The following TMC1 variants were observed in gnomAD, a reference collection of about 807,000 sequenced individuals.
TMC1 encodes the protein transmembrane channel like 1.
Under a neutral mutation model 105.8 loss-of-function variants are expected in TMC1, and 84 were observed. The observed-to-expected ratio is 0.79, with a 90% confidence interval of 0.67 to 0.95. TMC1 has a LOEUF of 0.95. TMC1 is among the 40% of genes least tolerant of loss of function. TMC1 has a pLI of 0.00. For missense variants in TMC1, 817 were observed against 914.1 expected (o/e 0.89, Z 1.37); for synonymous variants, 315 against 311.5 (o/e 1.01, Z -0.12).
chr9:72,703,861 G>C (rs932389485), intron 8 of TMC1, among the ~76,000 whole-genome samples: 3 of 152,250 alleles, frequency 2.0e-5, no homozygotes, highest in Non-Finnish European at 2.9e-5. Flanking sequence ...ATGGGTTCCA[G>C]CTGGTGCCAT....
At chr9:72,596,163 C>T (rs1824716307) in intron 2 of TMC1, among the ~76,000 whole-genome samples, 1 of 152,202 alleles carries the variant, frequency 6.6e-6, no homozygotes, top group Non-Finnish European at 1.5e-5. Context: ...GCGTGAGCCA[C>T]CGCGCCCAGC....
chr9:72,716,765 C>T (rs370020543), intron 8 of TMC1, among the ~76,000 whole-genome samples: 287 of 152,210 alleles, frequency 1.9e-3, no homozygotes, highest in Middle Eastern at 6.8e-3. Flanking sequence ...TTTCCAGGGG[C>T]GTGAATGGTT....
At chr9:72,757,522 A>G (rs1827692405) in intron 12 of TMC1, among the ~76,000 whole-genome samples, 1 of 152,216 alleles carries the variant, frequency 6.6e-6, no homozygotes, top group African/African-American at 2.4e-5. Context: ...AGATTTTGGC[A>G]TATTTCCGTA....
intron 1 of TMC1, among the ~76,000 whole-genome samples, chr9:72,535,432 A>G (rs1466828470): frequency 1.3e-5 from 2 of 152,210 alleles, no homozygotes; most frequent in Admixed American, 1.3e-4. Flanking sequence ...GCTGCATATA[A>G]CCTTGCTCTT....
chr9:72,726,995 G>T (rs1259136876), intron 8 of TMC1, among the ~76,000 whole-genome samples: 1 of 152,182 alleles, frequency 6.6e-6, no homozygotes, highest in Non-Finnish European at 1.5e-5. Context: ...CATGAGGCAA[G>T]CAAAATTAGC....
At chr9:72,761,257 A>G (rs911820006) in intron 12 of TMC1, among the ~76,000 whole-genome samples, 1 of 152,176 alleles carries the variant, frequency 6.6e-6, no homozygotes, top group Non-Finnish European at 1.5e-5. Context: ...GACAAGGGTG[A>G]TATAGAAATG....
rs558486483 is a variant in TMC1, at chr9:72,751,572, A to G, written c.536-278A>G. ...CAATCATGGCTGCTCAGCAAAAGGC[A>G]GCTTTCCCTTGGATGGACTATGATG... On this transcript the variant is annotated intron_variant, in intron 10 of 23. Coordinates refer to ENST00000297784, the MANE Select transcript of TMC1 (RefSeq NM_138691.3). Among the ~76,000 whole-genome samples, 101 of 152,366 alleles carry G rather than the reference A, an allele frequency of 6.6e-4. 3 individuals are homozygous for G. In the South Asian group the frequency reaches 0.019, roughly 28 times the overall value.
At position 72,820,738 on chromosome 9, in the gene TMC1, T is replaced by C. The variant is rs1279873516; in HGVS notation, c.1764-104T>C. The C allele has an allele frequency of 4.1e-6, 6 of 1,448,244 alleles. No individual in the cohort carries two copies. In the Admixed American group the frequency reaches 1.0e-4, roughly 25 times the overall value. 89.7% of individuals were successfully genotyped at this position (1,448,244 alleles called of 1,614,324 possible). A position where few individuals can be genotyped will look rare whatever the true frequency, so the allele number is the denominator to read the frequency against. Reference sequence around the variant, plus strand: ...TGTCTGGTTGAAAGTGGCAGTGTATTTTCTGCCTTTGGAAAAGAAGCATGA... The same window carrying C: ...TGTCTGGTTGAAAGTGGCAGTGTATCTTCTGCCTTTGGAAAAGAAGCATGA... On this transcript the variant is annotated intron_variant, in intron 19 of 23. Coordinates refer to ENST00000297784, the MANE Select transcript of TMC1 (RefSeq NM_138691.3).
intron 1 of TMC1, among the ~76,000 whole-genome samples, chr9:72,555,570 G>T (rs150815859): frequency 6.6e-6 from 1 of 151,994 alleles, no homozygotes; most frequent in Non-Finnish European, 1.5e-5. Flanking sequence ...AATCCCATGC[G>T]AATAAGTGGA....
At chr9:72,570,771 C>T (rs1189648515) in intron 1 of TMC1, among the ~76,000 whole-genome samples, 1 of 137,414 alleles carries the variant, frequency 7.3e-6, no homozygotes, top group Admixed American at 8.3e-5. Flanking sequence ...TTACTGCAAC[C>T]TCTGCCTCTT....
intron 2 of TMC1, among the ~76,000 whole-genome samples, chr9:72,605,294 A>T (rs1031187939): frequency 1.3e-5 from 2 of 152,310 alleles, no homozygotes; most frequent in South Asian, 2.1e-4. Flanking sequence ...ATTTCTGGGG[A>T]TGAGGAATCC....
At chr9:72,696,298 A>C (rs1382388778) in intron 7 of TMC1, among the ~76,000 whole-genome samples, 1 of 152,136 alleles carries the variant, frequency 6.6e-6, no homozygotes, top group African/African-American at 2.4e-5. Flanking sequence ...GATCTTGAGA[A>C]TCAAGATCCC....
chr9:72,650,666 C>A (rs987036128), intron 5 of TMC1, among the ~76,000 whole-genome samples: 2 of 151,562 alleles, frequency 1.3e-5, no homozygotes, highest in East Asian at 1.9e-4. Context: ...TATCCTCCCC[C>A]CTCACATAGA....
chr9:72,623,784 A>G (rs556901625), intron 3 of TMC1, among the ~76,000 whole-genome samples: 1 of 152,166 alleles, frequency 6.6e-6, no homozygotes, highest in Admixed American at 6.5e-5. Context: ...AGGCTATTCC[A>G]TCATTTTAGG....
chr9:72,601,177 CACACACACACACACACAG>C (rs1485759196), intron 2 of TMC1, among the ~76,000 whole-genome samples: 2 of 134,272 alleles, frequency 1.5e-5, no homozygotes, highest in African/African-American at 3.2e-5. Context: ...TCTACACACA[CACACACACACACACACAG>C]ACACACACAC....
chr9:72,765,867 T>C (rs192629341), intron 12 of TMC1, among the ~76,000 whole-genome samples: 173 of 152,252 alleles, frequency 1.1e-3, no homozygotes, highest in African/African-American at 3.3e-3. Flanking sequence ...ACTGTTAGTG[T>C]CAGTCGTGGG....
chr9:72,647,074 G>A (rs1422402385), intron 4 of TMC1, among the ~76,000 whole-genome samples: 13 of 151,008 alleles, frequency 8.6e-5, no homozygotes, highest in Non-Finnish European at 1.9e-4. Flanking sequence ...CCCAGGAGGT[G>A]GAGGTTGCAG....
intron 8 of TMC1, among the ~76,000 whole-genome samples, chr9:72,734,777 A>C (rs1056759313): frequency 9.9e-5 from 15 of 152,204 alleles, no homozygotes; most frequent in Non-Finnish European, 2.9e-5. Flanking sequence ...CAGTTTTGAA[A>C]TGTCTTTCAT....
intron 10 of TMC1, among the ~76,000 whole-genome samples, chr9:72,748,277 C>T (rs575211941): frequency 2.2e-4 from 34 of 152,154 alleles, no homozygotes; most frequent in African/African-American, 5.8e-4. Context: ...GTTCCCATTT[C>T]GTAGGGATTT....
Sources: gnomAD v4.1 joint callset for allele counts (sites outside exome capture counted in the v4.1 genomes callset) on GRCh38, gnomAD v4.1.1 for gene constraint, MANE v1.5 for transcripts, NCBI Gene and HGNC (gene_info 2026-07-23, HGNC 2026-07-21) for gene names.